The following DLG2 variants were observed in gnomAD, a reference collection of about 807,000 sequenced individuals.
The protein encoded by DLG2 is discs large MAGUK scaffold protein 2, also known as disks large homolog 2.
Under a neutral mutation model 132.5 loss-of-function variants are expected in DLG2, and 45 were observed. That is an observed-to-expected ratio of 0.34 (90% CI 0.27 to 0.44). The LOEUF (loss-of-function observed/expected upper bound fraction) is 0.44, where lower values mean the gene tolerates loss of function less well. Among genes scored for constraint, DLG2 ranks in the 20% least tolerant of loss-of-function variants. DLG2 has a pLI of 1.00. For synonymous variants in DLG2, 424 were observed against 419.6 expected, an observed-to-expected ratio of 1.01 and a Z score of -0.13; for missense variants, 1,045 against 1,196.9, an observed-to-expected ratio of 0.87 and a Z score of 1.87.
intron 18 of DLG2, among the ~76,000 whole-genome samples, chr11:83,674,970 G>T (rs566709172): frequency 6.6e-6 from 1 of 152,348 alleles, no homozygotes; most frequent in East Asian, 1.9e-4. Context: ...TTTTATCATT[G>T]CATTTGGATG....
intron 5 of DLG2, among the ~76,000 whole-genome samples, chr11:85,132,452 C>T (rs187996004): frequency 6.6e-6 from 1 of 152,018 alleles, no homozygotes; most frequent in East Asian, 1.9e-4. Flanking sequence ...ATGTGCTACA[C>T]TACTACTATA....
chr11:84,812,579 A>C (rs2076682627), intron 6 of DLG2, among the ~76,000 whole-genome samples: 1 of 152,186 alleles, frequency 6.6e-6, no homozygotes, highest in South Asian at 2.1e-4. Flanking sequence ...GCTTAAGTGC[A>C]TATTTTCCAT....
At chr11:84,239,291 A>G (rs138298032) in intron 8 of DLG2, among the ~76,000 whole-genome samples, 138 of 152,034 alleles carry the variant, frequency 9.1e-4, no homozygotes, top group African/African-American at 3.2e-3. Context: ...AGTGATTCTC[A>G]TGCATCAGCC....
chr11:85,113,961 TGCTAGCAAAG>T (rs987153775), intron 5 of DLG2, among the ~76,000 whole-genome samples: 2 of 151,954 alleles, frequency 1.3e-5, no homozygotes, highest in African/African-American at 4.8e-5. Flanking sequence ...TGAGTTTCAG[TGCTAGCAAAG>T]ATCCACAACC....
intron 7 of DLG2, among the ~76,000 whole-genome samples, chr11:84,268,034 T>A (rs2097665824): frequency 6.6e-6 from 1 of 152,244 alleles, no homozygotes; most frequent in South Asian, 2.1e-4. Flanking sequence ...CTGACCTTGC[T>A]TCTGTAATGC....
chr11:84,094,840 G>A (rs558151287), intron 10 of DLG2, among the ~76,000 whole-genome samples: 2 of 152,100 alleles, frequency 1.3e-5, no homozygotes, highest in South Asian at 4.2e-4. Context: ...ATAATGTAAA[G>A]GTACATTTTA....
intron 4 of DLG2, among the ~76,000 whole-genome samples, chr11:85,176,377 T>A (rs1280152425): frequency 1.3e-5 from 2 of 152,178 alleles, no homozygotes; most frequent in African/African-American, 4.8e-5. Flanking sequence ...GTTTCCCTAT[T>A]TAACAAATGG....
chr11:83,904,331 GA>G (rs1227973510), intron 15 of DLG2, among the ~76,000 whole-genome samples: 1 of 151,876 alleles, frequency 6.6e-6, no homozygotes, highest in Non-Finnish European at 1.5e-5. Context: ...ACAAATTGAG[GA>G]CCACTGTGCT....
intron 11 of DLG2, 75 bp from the exon 12 acceptor site, chr11:83,980,717 A>C: frequency 7.2e-7 from 1 of 1,379,484 alleles, no homozygotes; most frequent in South Asian, 1.8e-5. Context: ...AGTTAGCCAC[A>C]TTTTAACAGT....
At chr11:83,818,584 A>G (rs1594885123) in intron 17 of DLG2, among the ~76,000 whole-genome samples, 1 of 152,218 alleles carries the variant, frequency 6.6e-6, no homozygotes, top group Admixed American at 6.5e-5. Context: ...AGCCCCTATC[A>G]AGTTCGTTGT....
rs150174975 is a variant in DLG2 at position 84,260,130 on chromosome 11, G to A, written c.520-8839C>T. Among the ~76,000 whole-genome samples the A allele has an allele frequency of 6.5e-3, 987 of 152,300 alleles. 4 individuals carry two copies. The highest frequency in any genetic ancestry group is 8.5e-3 in the Non-Finnish European group (578 of 68,030). ...ATCCTAAAGACCTCAGATAGGCTGA[G>A]TTGGTCTTCCCTTTTTTTTCTAGTG... On this transcript the variant is annotated intron_variant, in intron 7 of 27. Coordinates refer to ENST00000376104, the MANE Select transcript of DLG2 (RefSeq NM_001142699.3).
intron 18 of DLG2, among the ~76,000 whole-genome samples, chr11:83,725,806 C>T (rs2089889567): frequency 6.6e-6 from 1 of 152,154 alleles, no homozygotes; most frequent in Non-Finnish European, 1.5e-5. Context: ...TGTTGATATT[C>T]ATGTTTTAAT....
chr11:84,832,471 A>T (rs538356921), intron 6 of DLG2, among the ~76,000 whole-genome samples: 6 of 151,790 alleles, frequency 4.0e-5, no homozygotes, highest in African/African-American at 1.4e-4. Flanking sequence ...CTTAACTACA[A>T]CATAAAACAG....
chr11:83,641,862 A>AGTGTGTGTGT (rs34754104), intron 18 of DLG2, among the ~76,000 whole-genome samples: 202 of 147,922 alleles, frequency 1.4e-3, no homozygotes, highest in African/African-American at 3.8e-3. Flanking sequence ...AGAGAGAGGG[A>AGTGTGTGTGT]GTGTGTGTGT....
intron 11 of DLG2, among the ~76,000 whole-genome samples, chr11:84,050,019 G>C (rs1001623029): frequency 2.0e-5 from 3 of 151,782 alleles, no homozygotes; most frequent in African/African-American, 7.3e-5. Context: ...ACACAGGGCA[G>C]CTCACCTGCA....
chr11:83,930,544 C>A, intron 14 of DLG2, 61 bp from the exon 15 acceptor site: 14 of 1,481,294 alleles, frequency 9.5e-6, no homozygotes, highest in Non-Finnish European at 1.2e-5. Flanking sequence ...AACACCTGTG[C>A]AACCAGTAGC....
At chr11:85,287,614 C>T (rs1418421155) in intron 3 of DLG2, among the ~76,000 whole-genome samples, 2 of 152,030 alleles carry the variant, frequency 1.3e-5, no homozygotes, top group Non-Finnish European at 2.9e-5. Context: ...ATTTGTTTAT[C>T]CTATAAGTCG....
intron 4 of DLG2, among the ~76,000 whole-genome samples, chr11:85,277,315 T>C (rs895869641): frequency 1.3e-5 from 2 of 152,178 alleles, no homozygotes; most frequent in Admixed American, 1.3e-4. Flanking sequence ...AGTGCCATTG[T>C]GAATGGAGAG....
chr11:84,903,320 A>G (rs1241263235), intron 6 of DLG2, among the ~76,000 whole-genome samples: 7 of 152,120 alleles, frequency 4.6e-5, no homozygotes, highest in Admixed American at 4.6e-4. Context: ...CACCACTTTC[A>G]TGCCTTATGT....
Sources: allele counts gnomAD v4.1 joint callset (sites outside exome capture counted in the v4.1 genomes callset), GRCh38; gene constraint gnomAD v4.1.1; transcripts MANE v1.5; gene names NCBI Gene and HGNC (gene_info 2026-07-23, HGNC 2026-07-21).